NDUFA3: variants seen among roughly 807,000 people sequenced by gnomAD.
NDUFA3 encodes NADH dehydrogenase [ubiquinone] 1 alpha subcomplex subunit 3.
NDUFA3 carries 10 observed loss-of-function variants against 11.4 expected under a neutral mutation model. That is an observed-to-expected ratio of 0.87 (90% CI 0.54 to 1.48). NDUFA3 has a LOEUF of 1.48. Among genes scored for constraint, NDUFA3 ranks in the 40% most tolerant of loss-of-function variants. NDUFA3 has a pLI of 0.00. For missense variants in NDUFA3, 115 were observed against 110.5 expected (o/e 1.04, Z -0.18); for synonymous variants, 39 against 46.9 (o/e 0.83, Z 0.68).
At chr19:54,103,296 G>A (rs1175901381) in intron 2 of NDUFA3, 108 bp downstream of exon 2, 6 of 1,122,804 alleles carry the variant, frequency 5.3e-6, no homozygotes, top group African/African-American at 4.7e-5. Flanking sequence ...CCCCTCTAGT[G>A]TGTCTGCACC....
Position 54,105,719 on chromosome 19 carries a change from C to T in NDUFA3, c.86-215C>T, listed in dbSNP as rs776116064. On this transcript the variant is annotated intron_variant, in intron 2 of 3. Transcript: ENST00000485876. ...CCACGTATCTGTGAGTGTTAGGCTCCAACCCCTACCTCCACTTAACCCCCC... is the reference window on the plus strand; with the variant it reads ...CCACGTATCTGTGAGTGTTAGGCTCTAACCCCTACCTCCACTTAACCCCCC... The T allele has an allele frequency of 5.4e-5, 37 of 680,620 alleles. No homozygotes were observed. The Middle Eastern group carries it at 7.2e-4, about 13-fold the overall frequency. The allele number at this position is 680,620 out of a possible 1,614,324, so 42.2% of individuals were successfully genotyped here.
rs371393808 is a variant in NDUFA3 at position 54,106,792 on chromosome 19, C to G, written c.164-19C>G. 8.7e-5 allele frequency: 139 copies of G among 1,593,054 alleles called. No individual in the cohort carries two copies. The highest frequency in any genetic ancestry group is 5.0e-4 in the Middle Eastern group (3 of 6,004). On this transcript the variant is annotated intron_variant, in intron 3 of 3. Transcript: ENST00000485876. Reference sequence around the variant, plus strand: ...CCTGGAGACGTGCTGGTCTCAGTGGCCCACCTCCTGCCCCACAGTGCCCGT... The same window carrying G: ...CCTGGAGACGTGCTGGTCTCAGTGGGCCACCTCCTGCCCCACAGTGCCCGT...
At chr19:54,105,512 G>A (rs1040339820) in intron 2 of NDUFA3, 16 of 347,872 alleles carry the variant, frequency 4.6e-5, no homozygotes, top group East Asian at 8.3e-5. Flanking sequence ...CAGGTGATCC[G>A]CCCACATTGG....
In NDUFA3 at chr19:54,107,062, T is replaced by TGGGCTGGCC; in HGVS notation, c.*161_*169dup. On this transcript the variant is annotated 3_prime_UTR_variant, in exon 4 of 4. Coordinates refer to ENST00000485876, the MANE Select transcript of NDUFA3 (RefSeq NM_004542.4). ...TATTGGGCATGCGTCAGTCAGAGGC[T>TGGGCTGGCC]GGGCTGGCCAGGGTCGGGTAGGGCA... 3.1e-6 allele frequency: 5 copies of TGGGCTGGCC among 1,613,806 alleles called. No homozygotes were observed. The highest frequency in any genetic ancestry group is 4.2e-6 in the Non-Finnish European group (5 of 1,179,930).
rs587645804 is a variant in NDUFA3 at position 54,107,417 on chromosome 19, T to C, written c.*515T>C. Reference sequence around the variant, plus strand: ...GCACTTGCCAACCAAGCCTAACATGTTTTTTCTTTTTGGTAGAGATGGGGT... The same window carrying C: ...GCACTTGCCAACCAAGCCTAACATGCTTTTTCTTTTTGGTAGAGATGGGGT... On this transcript the variant is annotated 3_prime_UTR_variant, in exon 4 of 4. Transcript: ENST00000485876. The C allele has an allele frequency of 5.8e-6, 3 of 520,294 alleles. No individual in the cohort carries two copies. The highest frequency in any genetic ancestry group is 1.9e-5 in the African/African-American group (1 of 51,608). The allele number at this position is 520,294 out of a possible 1,614,324, so 32.2% of individuals were successfully genotyped here. A position where few individuals can be genotyped will look rare whatever the true frequency, so the allele number is the denominator to read the frequency against.
At chr19:54,106,345 T>G (rs375803111) in intron 3 of NDUFA3, 119 of 396,100 alleles carry the variant, frequency 3.0e-4, no homozygotes, top group East Asian at 3.0e-3. Flanking sequence ...TTTTTCGTAT[T>G]TTTTTAGTAG....
Position 54,107,463 on chromosome 19 carries a change from G to C in NDUFA3, c.*561G>C. On this transcript the variant is annotated 3_prime_UTR_variant, in exon 4 of 4. Coordinates refer to ENST00000485876, the MANE Select transcript of NDUFA3 (RefSeq NM_004542.4). ...GGGGTCTCAGTATGTTGCTCAGGCA[G>C]GTCTCAGACTCCTGGCCTCAAGTGA... 2.5e-6 allele frequency: 1 copy of C among 401,542 alleles called. No individual in the cohort carries two copies. The highest frequency in any genetic ancestry group is 4.5e-6 in the Non-Finnish European group (1 of 221,372). 24.9% of individuals were successfully genotyped at this position (401,542 alleles called of 1,614,324 possible).
chr19:54,106,734 A>C, intron 3 of NDUFA3, 77 bp from the exon 4 acceptor site: 4 of 1,288,194 alleles, frequency 3.1e-6, no homozygotes, highest in Non-Finnish European at 4.2e-6. Context: ...CTCTCTGAAC[A>C]TAAAGCGACA....
At chr19:54,103,736 T>C (rs899574675) in intron 2 of NDUFA3, among the ~76,000 whole-genome samples, 1 of 152,104 alleles carries the variant, frequency 6.6e-6, no homozygotes, top group Non-Finnish European at 1.5e-5. Context: ...TGAAGTGCAG[T>C]GGCGCGATCC....
At position 54,103,089 on chromosome 19, in the gene NDUFA3, G is replaced by A. The variant is rs374816195; in HGVS notation, c.11-25G>A. On this transcript the variant is annotated intron_variant, in intron 1 of 3. Coordinates refer to ENST00000485876, the MANE Select transcript of NDUFA3 (RefSeq NM_004542.4). ...TCACCGGGGGCAGCTACTTGCAGGG[G>A]TGACGCTTCTTGCCACCCCTTCAGG... 43 of 1,609,906 alleles carry A rather than the reference G, an allele frequency of 2.7e-5. No individual in the cohort carries two copies. The African/African-American group carries it at 5.5e-4, about 20-fold the overall frequency.
intron 3 of NDUFA3, 182 bp downstream of exon 3, chr19:54,106,193 G>A (rs1403267785): frequency 1.1e-5 from 7 of 627,376 alleles, no homozygotes; most frequent in Middle Eastern, 4.0e-4. Flanking sequence ...TTTGTGCTTC[G>A]TTTTTGTTTT....
At chr19:54,106,504 GTC>G (rs1440847952) in intron 3 of NDUFA3, 1 of 422,634 alleles carries the variant, frequency 2.4e-6, no homozygotes, top group South Asian at 4.9e-5. Flanking sequence ...CCAGATTTCT[GTC>G]TCTCTCTGGG....
intron 2 of NDUFA3, among the ~76,000 whole-genome samples, chr19:54,103,880 C>G (rs2073171574): frequency 6.6e-6 from 1 of 151,872 alleles, no homozygotes; most frequent in Non-Finnish European, 1.5e-5. Flanking sequence ...GTCGCCCAGG[C>G]TGGAGTGCAG....
At chr19:54,104,033 C>T (rs1352586654) in intron 2 of NDUFA3, among the ~76,000 whole-genome samples, 1 of 151,884 alleles carries the variant, frequency 6.6e-6, no homozygotes, top group African/African-American at 2.4e-5. Flanking sequence ...CGGGGTTTCA[C>T]CGTGTTAGCC....
intron 2 of NDUFA3, among the ~76,000 whole-genome samples, chr19:54,104,771 C>T (rs1402289372): frequency 3.3e-5 from 5 of 149,790 alleles, no homozygotes; most frequent in Non-Finnish European, 5.9e-5. Context: ...GACGGAGTTT[C>T]GCTTTTGTCC....
chr19:54,107,021 G>C lies in NDUFA3; in HGVS notation c.*119G>C. 2 of 1,609,350 alleles carry C rather than the reference G, an allele frequency of 1.2e-6. No individual in the cohort carries two copies. Among genetic ancestry groups the C allele is most frequent in the South Asian group, 2.2e-5 (2 of 90,920 alleles). Reference sequence around the variant, plus strand: ...GGAACAAGTAGACGGTGGCCGGGGTGAGTGTGGGGTCAGTTTATTGGGCAT... The same window carrying C: ...GGAACAAGTAGACGGTGGCCGGGGTCAGTGTGGGGTCAGTTTATTGGGCAT... On this transcript the variant is annotated 3_prime_UTR_variant, in exon 4 of 4. Coordinates refer to ENST00000485876, the MANE Select transcript of NDUFA3 (RefSeq NM_004542.4).
Position 54,107,402 on chromosome 19 carries a change from A to T in NDUFA3, c.*500A>T. On this transcript the variant is annotated 3_prime_UTR_variant, in exon 4 of 4. Transcript: ENST00000485876. ...TAGCTGGGACTACAGGCACTTGCCA[A>T]CCAAGCCTAACATGTTTTTTCTTTT... 1 of 552,896 alleles carries T rather than the reference A, an allele frequency of 1.8e-6. No individual in the cohort carries two copies. Among genetic ancestry groups the T allele is most frequent in the Non-Finnish European group, 3.2e-6 (1 of 315,740 alleles). The allele number at this position is 552,896 out of a possible 1,614,324, so 34.2% of individuals were successfully genotyped here.
intron 2 of NDUFA3, among the ~76,000 whole-genome samples, chr19:54,103,466 A>T (rs1286504370): frequency 6.6e-6 from 1 of 151,912 alleles, no homozygotes; most frequent in East Asian, 1.9e-4. Context: ...AAAAGTCCAG[A>T]TCCTCCTCCT....
chr19:54,106,763 GGGCCCTGGAGACGTGCTGGTCTCAGT>G (rs780513438), intron 3 of NDUFA3, 22 bp from the exon 4 acceptor site: 1 of 1,505,694 alleles, frequency 6.6e-7, no homozygotes, highest in South Asian at 1.2e-5. Flanking sequence ...CTTCTCTCCA[GGGCCCTGGAGACGTGCTGGTCTCAGT>G]GGCCCACCTC....
Sources: gnomAD v4.1 joint callset for allele counts (sites outside exome capture counted in the v4.1 genomes callset) on GRCh38, gnomAD v4.1.1 for gene constraint, MANE v1.5 for transcripts, NCBI Gene and HGNC (gene_info 2026-07-23, HGNC 2026-07-21) for gene names.